The following NFATC4 variants were observed in gnomAD, a reference collection of about 807,000 sequenced individuals.
NFATC4 encodes nuclear factor of activated T cells 4.
Under a neutral mutation model 73.4 loss-of-function variants are expected in NFATC4, and 25 were observed. The observed-to-expected ratio is 0.34, with a 90% CI of 0.25 to 0.48. The LOEUF is 0.48. Ranked by LOEUF, NFATC4 falls within the 20% of genes least tolerant of loss-of-function variation. The pLI, the probability that NFATC4 is intolerant of heterozygous loss-of-function variation, is 0.99. For missense variants in NFATC4, 1,130 were observed against 1,203.7 expected (o/e 0.94, Z 0.91); for synonymous variants, 523 against 510.3 (o/e 1.02, Z -0.34).
Position 24,370,033 on chromosome 14 carries a change from G to C in NFATC4, c.635G>C (p.Gly212Ala), listed in dbSNP as rs1566463095. 1 of 1,610,834 alleles carries C rather than the reference G, an allele frequency of 6.2e-7. No individual in the cohort carries two copies. The highest frequency in any genetic ancestry group is 2.2e-5 in the East Asian group (1 of 44,854). Reference protein sequence around the residue: ...LNEAASRFGLGSPLPSPRASP... With the variant: ...LNEAASRFGLASPLPSPRASP... ...GAGGCGGCCTCCCGCTTTGGCCTGG[G>C]CTCCCCGCTGCCCTCGCCCCGGGCC... Residue 212 changes from glycine to alanine, a missense_variant, in exon 2 of 10, where the codon GGC (glycine) becomes GCC (alanine). By Grantham distance (60) the Gly-to-Ala change is moderately conservative. This residue lies in a region of NFATC4 where 585 missense variants were observed against 574.3 expected (regional missense o/e 1.02). Coordinates refer to ENST00000250373, the MANE Select transcript of NFATC4 (RefSeq NM_004554.5).
intron 2 of NFATC4, chr14:24,372,145 C>T (rs1019407358): frequency 1.8e-5 from 6 of 337,454 alleles, no homozygotes; most frequent in East Asian, 1.3e-4. Flanking sequence ...CCAACCCCTG[C>T]GCTCAGAGCT....
Position 24,369,496 on chromosome 14 carries a change from C to T in NFATC4, c.101-3C>T. On this transcript the variant is annotated splice_region_variant and splice_polypyrimidine_tract_variant and intron_variant, in intron 1 of 9. Transcript: ENST00000250373. ...CCCTCTGCTCCTCTTCCCATTTTGA[C>T]AGAACTGGACTCAGAGGATGCCCCG... The T allele has an allele frequency of 2.5e-6, 4 of 1,611,680 alleles. No homozygotes were observed. Among genetic ancestry groups the T allele is most frequent in the Non-Finnish European group, 3.4e-6 (4 of 1,178,574 alleles).
In NFATC4 at chr14:24,374,452, T is replaced by C. The variant is rs139623648; in HGVS notation, c.1859T>C (p.Ile620Thr). ...NFLPDSKVVFIERGPDGKLQW... is the reference protein window; with the variant it reads ...NFLPDSKVVFTERGPDGKLQW... ...CTGCCAGACTCCAAGGTGGTGTTCA[T>C]TGAGAGGGGTCCTGGTGAGTACCTG... The change falls in exon 6 of 10, where the codon ATT becomes ACT. Residue 620 changes from isoleucine (I) to threonine (T), a missense_variant. By Grantham distance (89) the Ile-to-Thr change is moderately conservative. This residue lies in a region of NFATC4 where 390 missense variants were observed against 408.1 expected (regional missense o/e 0.96). Coordinates refer to ENST00000250373, the MANE Select transcript of NFATC4 (RefSeq NM_004554.5). The C allele has an allele frequency of 4.9e-4, 797 of 1,613,424 alleles. 4 individuals carry two copies. Among genetic ancestry groups the C allele is most frequent in the Non-Finnish European group, 5.5e-4 (644 of 1,179,594 alleles).
In NFATC4 at chr14:24,377,334, C is replaced by G. The variant is rs569165064; in HGVS notation, c.2642-304C>G. 15 of 1,283,952 alleles carry G rather than the reference C, an allele frequency of 1.2e-5. No individual in the cohort carries two copies. In the South Asian group the frequency reaches 3.7e-4, roughly 32 times the overall value. 79.5% of individuals were successfully genotyped at this position (1,283,952 alleles called of 1,614,324 possible). A position where few individuals can be genotyped will look rare whatever the true frequency, so the allele number is the denominator to read the frequency against. On this transcript the variant is annotated intron_variant, in intron 9 of 9. Coordinates refer to ENST00000250373, the MANE Select transcript of NFATC4 (RefSeq NM_004554.5). This position sits in a 1 kb window ranked among gnomAD's most constrained non-coding sequence, Gnocchi z 4.2. ...CTTTCCTGTTTTGCCTCTCCTTCTT[C>G]CCATTGGCTACACCCATCTCTGGCC...
At chr14:24,372,914 T>C (rs2042511559) in intron 3 of NFATC4, 1 of 596,068 alleles carries the variant, frequency 1.7e-6, no homozygotes. Flanking sequence ...AAGTTTTCTC[T>C]GTATTGAGTT....
chr14:24,368,008 G>A, upstream of NFATC4: 1 of 1,107,322 alleles, frequency 9.0e-7, no homozygotes, highest in African/African-American at 1.7e-5. Flanking sequence ...TTTTTTTTGA[G>A]GGGGAGGGAC....
At chr14:24,369,274 C>T (rs1566460849) in intron 1 of NFATC4, 5 of 1,546,478 alleles carry the variant, frequency 3.2e-6, no homozygotes, top group Middle Eastern at 1.7e-4. Context: ...CGGGTACCCT[C>T]GGTCCTAGGA....
rs771660688 is a variant in NFATC4, at chr14:24,369,732, G to C, written c.334G>C (p.Glu112Gln). ...AGGAGGGRVL[E>Q]CPSIRITSIS... is the part of the protein sequence containing the mutation. ...GGGTGCTGGGGGTGGCCGTGTTCTC[G>C]AGTGTCCCAGCATCCGCATCACCTC... is the stretch of plus-strand genomic sequence containing the variant. The change falls in exon 2 of 10, where the codon GAG (glutamate) becomes CAG (glutamine). Residue 112 changes from glutamate (E) to glutamine (Q), a missense_variant. Physicochemically the swap from Glu to Gln is conservative, Grantham distance 29. Coordinates refer to ENST00000250373, the MANE Select transcript of NFATC4 (RefSeq NM_004554.5). 1.4e-4 allele frequency: 221 copies of C among 1,605,994 alleles called. No individual in the cohort carries two copies. Among genetic ancestry groups the C allele is most frequent in the Non-Finnish European group, 1.7e-4 (201 of 1,175,808 alleles).
In NFATC4 at chr14:24,369,666, GC is replaced by G. The variant is rs1566461753; in HGVS notation, c.270del (p.Arg91GlyfsTer3). The G allele has an allele frequency of 6.2e-7, 1 of 1,612,784 alleles. No homozygotes were observed. On this transcript the variant is annotated frameshift_variant, in exon 2 of 10. Transcript: ENST00000250373. LOFTEE classifies it high-confidence loss of function. ...PSPGTWESQP[A>X]RSVRLGGPGG... Reference sequence around the variant, plus strand: ...ACCTGGCACCTGGGAGAGCCAGCCCGCCAGGTCGGTGAGGCTGGGAGGACCA... The same window carrying G: ...ACCTGGCACCTGGGAGAGCCAGCCCGCAGGTCGGTGAGGCTGGGAGGACCA...
rs376225332 is a variant in NFATC4, at chr14:24,369,719, T to A, written c.321T>A (p.Gly107=). 3.9e-5 allele frequency: 63 copies of A among 1,609,890 alleles called. No homozygotes were observed. The African/African-American group carries it at 7.9e-4, about 20-fold the overall frequency. The change falls in exon 2 of 10, where the codon GGT becomes GGA. Residue 107 remains glycine (G), a synonymous_variant. Coordinates refer to ENST00000250373, the MANE Select transcript of NFATC4 (RefSeq NM_004554.5). ...GAGGGGGTGCTGGGGGTGCTGGGGG[T>A]GGCCGTGTTCTCGAGTGTCCCAGCA... The part of the protein sequence containing the change: ...GPGGGAGGAG[G]GRVLECPSIR...
chr14:24,377,703 T>C lies in NFATC4; in HGVS notation c.2707T>C (p.Ter903ArgextTer3). Residue 903 changes from the stop codon to arginine, a stop_lost, in exon 10 of 10, where the codon TGA (stop) becomes CGA (arginine). Transcript: ENST00000250373. This position sits in a 1 kb window ranked among gnomAD's most constrained non-coding sequence, Gnocchi z 4.2. ...ACCTCCTGGAGAAGAGCCTCCTGCC[T>C]GAACCACGTGAACTGTCATCACCTG... The part of the protein sequence containing the change: ...PAPPGEEPPA[*>R] 1 of 1,614,214 alleles carries C rather than the reference T, an allele frequency of 6.2e-7. No individual in the cohort carries two copies. The highest frequency in any genetic ancestry group is 1.7e-5 in the Admixed American group (1 of 60,034).
At position 24,369,779 on chromosome 14, in the gene NFATC4, G is replaced by A. The variant is rs765692779; in HGVS notation, c.381G>A (p.Pro127=). 6.3e-7 allele frequency: 1 copy of A among 1,595,634 alleles called. No individual in the cohort carries two copies. The highest frequency in any genetic ancestry group is 8.5e-7 in the Non-Finnish European group (1 of 1,171,070). ...CCTCCATCTCTCCCACGCCGGAGCCGCCAGCAGCGCTGGAGGACAACCCTG... is the reference window on the plus strand; with the variant it reads ...CCTCCATCTCTCCCACGCCGGAGCCACCAGCAGCGCTGGAGGACAACCCTG... The part of the protein sequence containing the change: ...RITSISPTPE[P]PAALEDNPDA... The change falls in exon 2 of 10, where the codon CCG becomes CCA. Residue 127 remains proline, a synonymous_variant. Transcript: ENST00000250373.
chr14:24,376,775 C>T lies in NFATC4; in HGVS notation c.2538C>T (p.Gly846=). Residue 846 remains glycine, a synonymous_variant, in exon 9 of 10, where the codon GGC becomes GGT. Transcript: ENST00000250373. This position sits in a 1 kb window ranked among gnomAD's most constrained non-coding sequence, Gnocchi z 5.0. ...PAEGYNKVGP[G]YGPGEGAPEQ... ...AGGGATACAATAAGGTAGGGCCAGGCTATGGCCCTGGGGAGGGGGCTCCGG... is the reference window on the plus strand; with the variant it reads ...AGGGATACAATAAGGTAGGGCCAGGTTATGGCCCTGGGGAGGGGGCTCCGG... 3 of 1,613,678 alleles carry T rather than the reference C, an allele frequency of 1.9e-6. No homozygotes were observed. The highest frequency in any genetic ancestry group is 2.5e-6 in the Non-Finnish European group (3 of 1,179,822).
At position 24,376,688 on chromosome 14, in the gene NFATC4, T is replaced by G; in HGVS notation, c.2451T>G (p.Pro817=). The stretch of plus-strand genomic sequence containing the variant: ...CCCCCTTTCGGCCGCCTCCTCTTCC[T>G]GCATCCCCACCGCTTGAAGGCCCCT... ...PPAPFRPPPL[P]ASPPLEGPFP... The change falls in exon 9 of 10, where the codon CCT becomes CCG. Residue 817 remains proline, a synonymous_variant. Coordinates refer to ENST00000250373, the MANE Select transcript of NFATC4 (RefSeq NM_004554.5). This position sits in a 1 kb window ranked among gnomAD's most constrained non-coding sequence, Gnocchi z 5.0. 6.2e-7 allele frequency: 1 copy of G among 1,613,680 alleles called. No homozygotes were observed.
upstream of NFATC4, chr14:24,367,102 C>A (rs1355640260): frequency 4.3e-6 from 7 of 1,613,998 alleles, no homozygotes; most frequent in Non-Finnish European, 4.2e-6. Flanking sequence ...TCGCCAGTAT[C>A]TCCCACCGAG....
chr14:24,368,326 G>T lies in NFATC4; in HGVS notation c.-15G>T. On this transcript the variant is annotated 5_prime_UTR_variant, in exon 1 of 10. Transcript: ENST00000250373. ...CTCCCACCCAGGCCGGGACCTGGGG[G>T]CTCCTGCCGGATCCATGGGGGCGGC... The T allele has an allele frequency of 7.2e-7, 1 of 1,393,734 alleles. No individual in the cohort carries two copies. Among genetic ancestry groups the T allele is most frequent in the African/African-American group, 1.5e-5 (1 of 65,536 alleles). 86.3% of individuals were successfully genotyped at this position (1,393,734 alleles called of 1,614,324 possible). A position where few individuals can be genotyped will look rare whatever the true frequency, so the allele number is the denominator to read the frequency against.
chr14:24,374,346 C>A lies in NFATC4; in HGVS notation c.1753C>A (p.Leu585Met), dbSNP rs767378362. Residue 585 changes from leucine to methionine, a missense_variant, in exon 6 of 10, where the codon CTG becomes ATG. This residue lies in a region of NFATC4 where 390 missense variants were observed against 408.1 expected (regional missense o/e 0.96). Coordinates refer to ENST00000250373, the MANE Select transcript of NFATC4 (RefSeq NM_004554.5). Reference sequence around the variant, plus strand: ...TGCAGCCCAGCGCTCAGCCCAGGAGCTGCCCCAGGTGGAGGCCTACAGCCC... The same window carrying A: ...TGCAGCCCAGCGCTCAGCCCAGGAGATGCCCCAGGTGGAGGCCTACAGCCC... ...IECSQRSAQE[L>M]PQVEAYSPSA... 6.2e-7 allele frequency: 1 copy of A among 1,613,054 alleles called. No individual in the cohort carries two copies. Among genetic ancestry groups the A allele is most frequent in the Non-Finnish European group, 8.5e-7 (1 of 1,179,522 alleles).
rs772916548 is a variant in NFATC4, at chr14:24,369,581, T to C, written c.183T>C (p.Ile61=). Residue 61 remains isoleucine (I), a synonymous_variant, in exon 2 of 10, where the codon ATT becomes ATC. Coordinates refer to ENST00000250373, the MANE Select transcript of NFATC4 (RefSeq NM_004554.5). ...PPPYGAAPIG[I]PRPPPPRPGM... is the part of the protein sequence containing the mutation. ...CCTATGGCGCTGCACCTATCGGTATTCCCCGACCTCCACCCCCTCGGCCTG... is the reference window on the plus strand; with the variant it reads ...CCTATGGCGCTGCACCTATCGGTATCCCCCGACCTCCACCCCCTCGGCCTG... 2.1e-5 allele frequency: 34 copies of C among 1,612,672 alleles called. 1 individual carries two copies. The South Asian group carries it at 3.6e-4, about 17-fold the overall frequency.
chr14:24,375,270 G>T (rs1464572884), intron 6 of NFATC4, among the ~76,000 whole-genome samples: 1 of 152,090 alleles, frequency 6.6e-6, no homozygotes, highest in Non-Finnish European at 1.5e-5. Flanking sequence ...GAGGTTCTAG[G>T]TCATGATACT....
Sources: gnomAD v4.1 joint callset for allele counts (sites outside exome capture counted in the v4.1 genomes callset) on GRCh38, gnomAD v4.1.1 for gene constraint, gnomAD v4.1.1 regional missense constraint, Gnocchi (gnomAD v3.1) non-coding constraint, MANE v1.5 for transcripts, NCBI Gene and HGNC (gene_info 2026-07-23, HGNC 2026-07-21) for gene names.